The following ASCC1 variants were observed in gnomAD, a reference collection of about 807,000 sequenced individuals.
ASCC1 encodes the protein ASC-1 complex subunit P50.
ASCC1 carries 35 observed loss-of-function variants against 46.6 expected under a neutral mutation model. That is an observed-to-expected ratio of 0.75 (90% confidence interval 0.57 to 0.99). ASCC1 has a LOEUF of 0.99. Among genes scored for constraint, ASCC1 ranks in the 50% least tolerant of loss-of-function variants. ASCC1 has a pLI of 0.00. For synonymous variants in ASCC1, 143 were observed against 146.6 expected (o/e 0.98, Z 0.18); for missense variants, 376 against 428.7 (o/e 0.88, Z 1.09).
At chr10:72,145,900 CTTT>C (rs1847566499) in intron 7 of ASCC1, among the ~76,000 whole-genome samples, 1 of 152,156 alleles carries the variant, frequency 6.6e-6, no homozygotes, top group Admixed American at 6.5e-5. Flanking sequence ...AAAAAACTTC[CTTT>C]AAGTGGCATA....
intron 5 of ASCC1, among the ~76,000 whole-genome samples, chr10:72,188,118 C>T (rs1853782191): frequency 6.8e-6 from 1 of 146,098 alleles, no homozygotes; most frequent in Admixed American, 6.9e-5. Flanking sequence ...TCTAATACTT[C>T]TTCTTTTTTT....
At chr10:72,102,931 C>T (rs578205475) in intron 9 of ASCC1, 1 of 440,720 alleles carries the variant, frequency 2.3e-6, no homozygotes, top group African/African-American at 2.0e-5. Context: ...GCGGAGATTG[C>T]ATCATTGTAC....
At chr10:72,190,660 G>T in intron 5 of ASCC1, 1 of 712,526 alleles carries the variant, frequency 1.4e-6, no homozygotes, top group Non-Finnish European at 2.3e-6. Flanking sequence ...GTCTGTTAAA[G>T]CTAGTCTGCA....
chr10:72,188,553 A>G (rs1412000539), intron 5 of ASCC1, among the ~76,000 whole-genome samples: 1 of 152,202 alleles, frequency 6.6e-6, no homozygotes, highest in Non-Finnish European at 1.5e-5. Flanking sequence ...GAAGGGAAGT[A>G]AGGAAGGAAA....
intron 7 of ASCC1, among the ~76,000 whole-genome samples, chr10:72,152,170 G>T (rs1659523580): frequency 7.2e-6 from 1 of 139,246 alleles, no homozygotes; most frequent in African/African-American, 3.2e-5. Flanking sequence ...TTTTGTTTTT[G>T]GGTTTTTTTT....
At chr10:72,130,044 T>C (rs1447452083) in intron 8 of ASCC1, among the ~76,000 whole-genome samples, 1 of 150,478 alleles carries the variant, frequency 6.6e-6, no homozygotes, top group Non-Finnish European at 1.5e-5. Flanking sequence ...AGTACTGATG[T>C]GTTATAACAT....
intron 7 of ASCC1, among the ~76,000 whole-genome samples, chr10:72,141,256 C>G (rs1415488034): frequency 6.6e-6 from 1 of 152,122 alleles, no homozygotes; most frequent in African/African-American, 2.4e-5. Flanking sequence ...AGATAGAAGT[C>G]AGTATACAAA....
At chr10:72,133,262 A>T (rs1202298820) in intron 7 of ASCC1, 81 bp from the exon 8 acceptor site, 1 of 1,437,690 alleles carries the variant, frequency 7.0e-7, no homozygotes, top group Non-Finnish European at 9.8e-7. Context: ...ATGTTTATGG[A>T]GCATGTGCTC....
At chr10:72,153,094 A>G (rs1848558752) in intron 6 of ASCC1, 106 bp from the exon 7 acceptor site, 2 of 1,422,066 alleles carry the variant, frequency 1.4e-6, no homozygotes, top group Admixed American at 3.7e-5. Flanking sequence ...TGTTACTTAC[A>G]TGTGTACAAA....
chr10:72,126,723 T>C (rs1306024714), intron 9 of ASCC1, among the ~76,000 whole-genome samples: 1 of 152,180 alleles, frequency 6.6e-6, no homozygotes, highest in East Asian at 1.9e-4. Flanking sequence ...ATTGTGATAC[T>C]GGAAAATCCC....
intron 9 of ASCC1, among the ~76,000 whole-genome samples, chr10:72,124,181 T>C (rs1346873391): frequency 6.6e-6 from 1 of 152,182 alleles, no homozygotes; most frequent in African/African-American, 2.4e-5. Context: ...GGGAAAGTAT[T>C]TAAAATTAAT....
At chr10:72,183,743 A>G (rs1852999870) in intron 5 of ASCC1, among the ~76,000 whole-genome samples, 2 of 152,244 alleles carry the variant, frequency 1.3e-5, no homozygotes, top group African/African-American at 4.8e-5. Context: ...AGAATAAACT[A>G]CTTAGAATTC....
At chr10:72,128,916 A>G (rs367688459) in intron 8 of ASCC1, among the ~76,000 whole-genome samples, 36 of 152,252 alleles carry the variant, frequency 2.4e-4, no homozygotes, top group African/African-American at 6.3e-4. Flanking sequence ...CAAAAAATTC[A>G]AAGCATCCTC....
intron 6 of ASCC1, among the ~76,000 whole-genome samples, chr10:72,155,685 C>T (rs16929705): frequency 0.037 from 5,649 of 152,206 alleles, 330 homozygotes; most frequent in African/African-American, 0.13. Context: ...AAAATTAACA[C>T]GTATTACCTT....
intron 5 of ASCC1, among the ~76,000 whole-genome samples, chr10:72,174,400 T>C (rs750528706): frequency 1.3e-5 from 2 of 152,212 alleles, no homozygotes; most frequent in Non-Finnish European, 2.9e-5. Context: ...GACAGCAGTA[T>C]GGATTGGTCC....
rs370450814 is a variant in ASCC1, at chr10:72,125,041, A to G, written c.957+3041T>C. ...ACAACTCTCAAAAAAGCTGTACAAA[A>G]GAAAAATGTGGCTTCCATCTGCAAC... On this transcript the variant is annotated intron_variant, in intron 9 of 9. Transcript: ENST00000672957. Among the ~76,000 whole-genome samples the G allele has an allele frequency of 2.5e-3, 384 of 152,362 alleles. 17 individuals are homozygous for G. The South Asian group carries it at 0.076, about 30-fold the overall frequency.
In ASCC1 at chr10:72,097,142, T is replaced by C. The variant is rs1214078390; in HGVS notation, c.*192A>G. On this transcript the variant is annotated 3_prime_UTR_variant, in exon 10 of 10. Transcript: ENST00000672957. ...AAGGGTTATAGGCACAAATTCTCCT[T>C]ATGCCCACCACCATCTCAGCTGGTA... 4 of 678,598 alleles carry C rather than the reference T, an allele frequency of 5.9e-6. No homozygotes were observed. Among genetic ancestry groups the C allele is most frequent in the Non-Finnish European group, 1.1e-5 (4 of 363,484 alleles). The allele number at this position is 678,598 out of a possible 1,614,324, so 42.0% of individuals were successfully genotyped here.
intron 5 of ASCC1, among the ~76,000 whole-genome samples, chr10:72,173,938 T>C (rs1251889412): frequency 2.0e-5 from 3 of 152,240 alleles, no homozygotes; most frequent in Non-Finnish European, 4.4e-5. Flanking sequence ...TCTAATGGTA[T>C]TGACCTTCCA....
At chr10:72,156,631 G>A (rs922318510) in intron 6 of ASCC1, among the ~76,000 whole-genome samples, 1 of 152,070 alleles carries the variant, frequency 6.6e-6, no homozygotes, top group African/African-American at 2.4e-5. Context: ...AACTAGCCGG[G>A]CGTGGTGGCG....
Sources: allele counts gnomAD v4.1 joint callset (sites outside exome capture counted in the v4.1 genomes callset), GRCh38; gene constraint gnomAD v4.1.1; transcripts MANE v1.5; gene names NCBI Gene and HGNC (gene_info 2026-07-23, HGNC 2026-07-21).